The following ABCC1 variants were observed in gnomAD, a reference collection of about 807,000 sequenced individuals.
ABCC1 encodes multidrug resistance-associated protein 1.
A neutral mutation model predicts 172.9 loss-of-function variants in ABCC1; 83 were observed. The ratio of observed to expected loss-of-function variants is 0.48; its 90% CI spans 0.40 to 0.58. The LOEUF (loss-of-function observed/expected upper bound fraction) is 0.58. Ranked by LOEUF, ABCC1 falls within the 20% of genes least tolerant of loss-of-function variation. The pLI, the probability that ABCC1 is intolerant of heterozygous loss-of-function variation, is 0.00. For missense variants in ABCC1, 1,817 were observed against 2,002.7 expected, an observed-to-expected ratio of 0.91 and a Z score of 1.77; for synonymous variants, 937 against 825.2, an observed-to-expected ratio of 1.14 and a Z score of -2.32.
chr16:16,060,292 C>T (rs1333763318), intron 12 of ABCC1, among the ~76,000 whole-genome samples: 2 of 152,148 alleles, frequency 1.3e-5, no homozygotes, highest in African/African-American at 4.8e-5. Context: ...ACAGCAGACA[C>T]CCACAGTCAC....
At chr16:16,098,426 C>T (rs1456907981) in intron 19 of ABCC1, 2 of 239,336 alleles carry the variant, frequency 8.4e-6, no homozygotes, top group East Asian at 1.8e-4. Flanking sequence ...TGAGACCAGC[C>T]TGGCCAACAT....
At chr16:16,020,295 T>C (rs2048150012) in intron 5 of ABCC1, among the ~76,000 whole-genome samples, 1 of 152,126 alleles carries the variant, frequency 6.6e-6, no homozygotes, top group Admixed American at 6.5e-5. Flanking sequence ...ATTTCTGACA[T>C]TTGTGCACCT....
At chr16:16,075,571 C>T (rs532839864) in intron 14 of ABCC1, among the ~76,000 whole-genome samples, 113 of 152,258 alleles carry the variant, frequency 7.4e-4, no homozygotes, top group Non-Finnish European at 1.2e-3. Context: ...ATGGAGGTTG[C>T]AGTAGGCCGA....
rs199973888 is a variant in ABCC1 at position 16,071,662 on chromosome 16, C to T, written c.1845C>T (p.Arg615=). Residue 615 remains arginine, a synonymous_variant, in exon 14 of 31, where the codon CGC becomes CGT. Coordinates refer to ENST00000399410, the MANE Select transcript of ABCC1 (RefSeq NM_004996.4). ...SIVQASVSLK[R]LRIFLSHEEL... ...TACAGGCGAGTGTCTCCCTCAAACG[C>T]CTGAGGATCTTTCTCTCCCATGAGG... is the stretch of plus-strand genomic sequence containing the variant. 6.2e-7 allele frequency: 1 copy of T among 1,614,062 alleles called. No homozygotes were observed. Among genetic ancestry groups the T allele is most frequent in the East Asian group, 2.2e-5 (1 of 44,882 alleles).
chr16:16,076,894 G>T (rs913952605), intron 15 of ABCC1, among the ~76,000 whole-genome samples: 3 of 152,114 alleles, frequency 2.0e-5, no homozygotes, highest in African/African-American at 7.2e-5. Context: ...ATTGGGTCCT[G>T]TGCCCTCTGT....
intron 3 of ABCC1, among the ~76,000 whole-genome samples, chr16:16,013,509 C>T (rs540799475): frequency 1.3e-5 from 2 of 152,076 alleles, no homozygotes; most frequent in Admixed American, 1.3e-4. Context: ...GACCTGCCCG[C>T]CTTGGCCTCC....
chr16:16,121,171 C>T (rs916031056), intron 23 of ABCC1, among the ~76,000 whole-genome samples: 2 of 152,088 alleles, frequency 1.3e-5, no homozygotes, highest in South Asian at 4.1e-4. Context: ...ACAATGACCC[C>T]GTGAAGCAAG....
At chr16:16,100,954 G>C (rs1382613311) in intron 19 of ABCC1, among the ~76,000 whole-genome samples, 1 of 152,068 alleles carries the variant, frequency 6.6e-6, no homozygotes, top group South Asian at 2.1e-4. Flanking sequence ...GGACACGAGG[G>C]CACCTGCTCA....
At chr16:16,064,274 C>T (rs751736432) in intron 12 of ABCC1, among the ~76,000 whole-genome samples, 27 of 152,206 alleles carry the variant, frequency 1.8e-4, no homozygotes, top group Non-Finnish European at 2.2e-4. Flanking sequence ...GAACTCCAGT[C>T]TCCTGCTGCC....
chr16:16,068,073 G>A (rs1476101307), intron 12 of ABCC1, 83 bp from the exon 13 acceptor site: 20 of 1,554,596 alleles, frequency 1.3e-5, no homozygotes, highest in Admixed American at 1.7e-5. Flanking sequence ...GGGCCCAAGC[G>A]CGTCTCCAGG....
In ABCC1 at chr16:16,115,071, G is replaced by A. The variant is rs74985930; in HGVS notation, c.3385G>A (p.Val1129Ile). The change falls in exon 23 of 31, where the codon GTC becomes ATC. Residue 1129 changes from valine to isoleucine, a missense_variant. This residue lies in a region of ABCC1 where 1,412 missense variants were observed against 1,600.3 expected (regional missense o/e 0.88). Transcript: ENST00000399410. ...IPPLGLIYFF[V>I]QRFYVASSRQ... ...GCCCCTTGGCCTCATCTACTTCTTC[G>A]TCCAGGTAAGGGGTGAGGTCTTAGT... 1,786 of 1,613,480 alleles carry A rather than the reference G, an allele frequency of 1.1e-3. 7 individuals are homozygous for A. The highest frequency in any genetic ancestry group is 5.2e-3 in the South Asian group (472 of 91,062).
intron 1 of ABCC1, among the ~76,000 whole-genome samples, chr16:15,986,698 A>T (rs893512334): frequency 3.9e-5 from 6 of 152,186 alleles, no homozygotes; most frequent in African/African-American, 1.2e-4. Flanking sequence ...CAAAGTCCTT[A>T]ATGATACCTG....
intron 27 of ABCC1, among the ~76,000 whole-genome samples, chr16:16,133,656 G>A (rs538574111): frequency 9.9e-5 from 15 of 152,114 alleles, no homozygotes; most frequent in South Asian, 6.2e-4. Flanking sequence ...CACCTTCCTC[G>A]GCCTCCCAAA....
At chr16:16,128,486 CTT>C (rs956529735) in intron 26 of ABCC1, among the ~76,000 whole-genome samples, 5 of 152,104 alleles carry the variant, frequency 3.3e-5, no homozygotes, top group South Asian at 2.1e-4. Flanking sequence ...TTTTGACTGA[CTT>C]TTATATTTTT....
At chr16:15,988,584 A>C (rs2046792449) in intron 1 of ABCC1, among the ~76,000 whole-genome samples, 1 of 152,192 alleles carries the variant, frequency 6.6e-6, no homozygotes, top group Non-Finnish European at 1.5e-5. Context: ...TTGCAAAGAT[A>C]GCCAGGGTTG....
intron 1 of ABCC1, among the ~76,000 whole-genome samples, chr16:15,999,858 C>CTTTCTTTCTTTCTTTCTTTCT (rs796657404): frequency 4.6e-4 from 20 of 43,232 alleles, no homozygotes; most frequent in Admixed American, 1.4e-3. Context: ...TTCTTTCTTT[C>CTTTCTTTCTTTCTTTCTTTCT]TTTCTTTCTT....
chr16:16,067,681 T>A (rs1385590063), intron 12 of ABCC1, among the ~76,000 whole-genome samples: 4 of 152,140 alleles, frequency 2.6e-5, no homozygotes, highest in Non-Finnish European at 5.9e-5. Flanking sequence ...AACAATGAAA[T>A]GGCAGTGCTG....
At chr16:16,112,683 G>A (rs952488640) in intron 22 of ABCC1, among the ~76,000 whole-genome samples, 6 of 152,188 alleles carry the variant, frequency 3.9e-5, no homozygotes, top group Admixed American at 1.3e-4. Context: ...AGGAGCTCAC[G>A]CTGTTATCCA....
intron 23 of ABCC1, among the ~76,000 whole-genome samples, chr16:16,117,329 A>C (rs959309085): frequency 1.3e-5 from 2 of 152,174 alleles, no homozygotes; most frequent in Non-Finnish European, 2.9e-5. Flanking sequence ...AGATCTTGTG[A>C]GAACTAACTC....
Sources: allele counts gnomAD v4.1 joint callset (sites outside exome capture counted in the v4.1 genomes callset), GRCh38; gene constraint gnomAD v4.1.1; regional missense constraint gnomAD v4.1.1; transcripts MANE v1.5; gene names NCBI Gene and HGNC (gene_info 2026-07-23, HGNC 2026-07-21).